SCFD2: variants seen among roughly 807,000 people sequenced by gnomAD.
SCFD2 encodes sec1 family domain containing 2.
A neutral mutation model predicts 58.9 loss-of-function variants in SCFD2; 54 were observed. That is an observed-to-expected ratio of 0.92 (90% CI 0.74 to 1.15). SCFD2 has a LOEUF of 1.15. Ranked by LOEUF, SCFD2 falls within the 50% of genes most tolerant of loss-of-function variation. The pLI, the probability that SCFD2 is intolerant of heterozygous loss-of-function variation, is 0.00. For missense variants in SCFD2, 805 were observed against 836.6 expected, an observed-to-expected ratio of 0.96 and a Z score of 0.47; for synonymous variants, 321 against 335.9, an observed-to-expected ratio of 0.96 and a Z score of 0.49.
intron 5 of SCFD2, chr4:52,955,844 G>A: frequency 2.9e-6 from 1 of 345,242 alleles, no homozygotes; most frequent in Non-Finnish European, 5.7e-6. Context: ...ATTTGGGGCT[G>A]AGAAAAATAT....
intron 3 of SCFD2, among the ~76,000 whole-genome samples, chr4:53,285,422 T>C (rs938831177): frequency 6.6e-6 from 1 of 152,046 alleles, no homozygotes; most frequent in Admixed American, 6.6e-5. Context: ...CCTACAGTCA[T>C]GGGCCTTCTC....
At position 53,280,517 on chromosome 4, in the gene SCFD2, A is replaced by AG. The variant is rs1243909361; in HGVS notation, c.1136-6517_1136-6516insC. Among the ~76,000 whole-genome samples, 4 of 144,852 alleles carry AG rather than the reference A, an allele frequency of 2.8e-5. No individual in the cohort carries two copies. In the South Asian group the frequency reaches 8.5e-4, roughly 31 times the overall value. On this transcript the variant is annotated intron_variant, in intron 3 of 8. Transcript: ENST00000401642. ...GGCGACAGAGGGAAACTCTGTCTGG[A>AG]AAAAAAAAAAAGAAAGAAAGCAATT...
intron 4 of SCFD2, among the ~76,000 whole-genome samples, chr4:53,177,361 A>G (rs1407043538): frequency 1.3e-5 from 2 of 152,200 alleles, no homozygotes; most frequent in African/African-American, 4.8e-5. Flanking sequence ...TGGAGGAAGT[A>G]AAGACCATGC....
chr4:53,288,085 T>C (rs1259908674), intron 3 of SCFD2, among the ~76,000 whole-genome samples: 2 of 151,498 alleles, frequency 1.3e-5, no homozygotes, highest in Non-Finnish European at 2.9e-5. Context: ...AAAATAATAA[T>C]AATAAACTAT....
intron 5 of SCFD2, among the ~76,000 whole-genome samples, chr4:52,922,591 T>G (rs773497478): frequency 2.6e-5 from 4 of 152,248 alleles, no homozygotes; most frequent in Non-Finnish European, 5.9e-5. Context: ...AAATAGTATA[T>G]TTTATATATC....
chr4:52,939,150 C>T (rs1208567535), intron 5 of SCFD2, among the ~76,000 whole-genome samples: 2 of 151,982 alleles, frequency 1.3e-5, no homozygotes, highest in Non-Finnish European at 2.9e-5. Flanking sequence ...ATTAGCACAA[C>T]CTAACAGATA....
chr4:53,029,521 C>T (rs1722563927), intron 5 of SCFD2, among the ~76,000 whole-genome samples: 1 of 152,190 alleles, frequency 6.6e-6, no homozygotes, highest in Non-Finnish European at 1.5e-5. Flanking sequence ...TTGAATTTAA[C>T]TAAAAGATGT....
intron 5 of SCFD2, among the ~76,000 whole-genome samples, chr4:53,041,787 T>C (rs776758756): frequency 9.2e-5 from 14 of 152,188 alleles, no homozygotes; most frequent in Non-Finnish European, 1.3e-4. Context: ...TTACTTGTTG[T>C]TGGTGTTAAA....
intron 4 of SCFD2, among the ~76,000 whole-genome samples, chr4:53,211,241 G>GAAA (rs55830697): frequency 2.1e-5 from 3 of 142,014 alleles, no homozygotes; most frequent in Non-Finnish European, 3.1e-5. Context: ...GACTCCATGT[G>GAAA]AAAAAAAAAA....
At chr4:53,107,322 TG>T (rs1725034185) in intron 5 of SCFD2, among the ~76,000 whole-genome samples, 1 of 152,140 alleles carries the variant, frequency 6.6e-6, no homozygotes, top group South Asian at 2.1e-4. Flanking sequence ...CATCCAGTAA[TG>T]GGCAAAATAA....
chr4:53,153,977 A>G (rs1412515127), intron 4 of SCFD2, among the ~76,000 whole-genome samples: 1 of 152,182 alleles, frequency 6.6e-6, no homozygotes, highest in Admixed American at 6.5e-5. Context: ...ATCACTGTCC[A>G]TATTTCTATC....
intron 1 of SCFD2, among the ~76,000 whole-genome samples, chr4:53,353,422 T>C (rs1224022501): frequency 1.3e-5 from 2 of 152,092 alleles, no homozygotes; most frequent in Admixed American, 1.3e-4. Context: ...AGAGAGCAAA[T>C]GAACAAAGCT....
intron 5 of SCFD2, among the ~76,000 whole-genome samples, chr4:53,108,832 A>T (rs537905516): frequency 6.6e-6 from 1 of 152,314 alleles, no homozygotes; most frequent in African/African-American, 2.4e-5. Flanking sequence ...ATTCCAAACA[A>T]TGGAAAAGAG....
chr4:52,949,690 T>A (rs553932677), intron 5 of SCFD2: 1 of 152,266 alleles, frequency 6.6e-6, no homozygotes, highest in South Asian at 2.1e-4. Context: ...AGTCTCAACG[T>A]TTCCCCCTTC....
At chr4:53,065,440 A>G (rs369605912) in intron 5 of SCFD2, among the ~76,000 whole-genome samples, 3 of 152,088 alleles carry the variant, frequency 2.0e-5, no homozygotes. Flanking sequence ...GATTAGGAGA[A>G]AGCAAGGAAA....
intron 5 of SCFD2, among the ~76,000 whole-genome samples, chr4:53,044,641 T>TTTC (rs1372818712): frequency 6.7e-6 from 1 of 148,156 alleles, no homozygotes; most frequent in Non-Finnish European, 1.5e-5. Flanking sequence ...CCCTCCTTTT[T>TTTC]TCCTTTTTCC....
At position 52,907,475 on chromosome 4, in the gene SCFD2, T is replaced by A. The variant is rs973267237; in HGVS notation, c.1824A>T (p.Gly608=). 6.2e-7 allele frequency: 1 copy of A among 1,613,860 alleles called. No individual in the cohort carries two copies. Among genetic ancestry groups the A allele is most frequent in the South Asian group, 1.1e-5 (1 of 91,066 alleles). ...ACTTTACCTTCATGAACATGCTAAA[T>A]CCAGTTTTAAGGAGATCAGTGAGGC... The part of the protein sequence containing the change: ...SSGLTDLLKT[G]FSMFMKVSRP... Residue 608 remains glycine, a synonymous_variant, in exon 7 of 9, where the codon GGA becomes GGT. Transcript: ENST00000401642.
chr4:52,928,487 G>T (rs1719913064), intron 5 of SCFD2, among the ~76,000 whole-genome samples: 1 of 152,132 alleles, frequency 6.6e-6, no homozygotes, highest in Non-Finnish European at 1.5e-5. Context: ...GAGGAAGGCA[G>T]ACTAACAAAA....
chr4:53,066,840 C>T (rs1000073773), intron 5 of SCFD2, among the ~76,000 whole-genome samples: 1 of 152,002 alleles, frequency 6.6e-6, no homozygotes, highest in African/African-American at 2.4e-5. Context: ...TCCTCTCCTC[C>T]ACAGCACTTG....
Sources: gnomAD v4.1 joint callset for allele counts (sites outside exome capture counted in the v4.1 genomes callset) on GRCh38, gnomAD v4.1.1 for gene constraint, MANE v1.5 for transcripts, NCBI Gene and HGNC (gene_info 2026-07-23, HGNC 2026-07-21) for gene names.